Variants in SORBS2 observed in about 807,000 individuals in gnomAD.
SORBS2 encodes sorbin and SH3 domain containing 2.
Under a neutral mutation model 97.7 loss-of-function variants are expected in SORBS2, and 46 were observed. The observed-to-expected ratio is 0.47, with a 90% CI of 0.37 to 0.60. The LOEUF is 0.60. Among genes scored for constraint, SORBS2 ranks in the 20% least tolerant of loss-of-function variants. The probability of loss-of-function intolerance (pLI) is 0.00; values close to 1 mark genes in which losing one functional copy is unlikely to be tolerated. For synonymous variants in SORBS2, 476 were observed against 473.4 expected (o/e 1.01, Z -0.07); for missense variants, 1,316 against 1,282.3 (o/e 1.03, Z -0.40).
At chr4:185,662,036 T>C in intron 5 of SORBS2, 68 bp downstream of exon 8, 1 of 1,573,306 alleles carries the variant, frequency 6.4e-7, no homozygotes. Flanking sequence ...ATGCCGCATA[T>C]CTTTCTCCTG....
intron 1 of SORBS2, among the ~76,000 whole-genome samples, chr4:185,832,066 AT>A (rs2099205449): frequency 6.6e-6 from 1 of 152,212 alleles, no homozygotes; most frequent in Non-Finnish European, 1.5e-5. Context: ...AGCAATTTCA[AT>A]ATATTTGAAA....
intron 1 of SORBS2, among the ~76,000 whole-genome samples, chr4:185,916,697 A>T (rs2099258328): frequency 6.6e-6 from 1 of 152,218 alleles, no homozygotes; most frequent in African/African-American, 2.4e-5. Flanking sequence ...GATTGTCACA[A>T]CTAGGGAGGT....
At chr4:185,796,519 C>T (rs945226264) in intron 1 of SORBS2, among the ~76,000 whole-genome samples, 13 of 139,880 alleles carry the variant, frequency 9.3e-5, no homozygotes, top group South Asian at 2.6e-4. Context: ...GCTGTGGCCA[C>T]GCTGTTCCCT....
chr4:185,870,146 A>C (rs902756382), intron 1 of SORBS2, among the ~76,000 whole-genome samples: 9 of 152,234 alleles, frequency 5.9e-5, no homozygotes, highest in African/African-American at 1.9e-4. Context: ...TGTATGCTCT[A>C]AACTTCTGCT....
At chr4:185,740,888 A>G (rs539122322) in intron 2 of SORBS2, among the ~76,000 whole-genome samples, 16 of 152,192 alleles carry the variant, frequency 1.1e-4, no homozygotes, top group African/African-American at 3.6e-4. Flanking sequence ...AACTCGGACC[A>G]GCACTAACTC....
At chr4:185,782,188 A>G (rs970280448) in intron 1 of SORBS2, among the ~76,000 whole-genome samples, 5 of 152,394 alleles carry the variant, frequency 3.3e-5, no homozygotes, top group East Asian at 1.9e-4. Flanking sequence ...GTATCTGATC[A>G]TGTAAAAAGC....
At chr4:185,739,520 G>T (rs1176134782) in intron 2 of SORBS2, among the ~76,000 whole-genome samples, 1 of 152,284 alleles carries the variant, frequency 6.6e-6, no homozygotes, top group East Asian at 1.9e-4. Context: ...TGATGTTATT[G>T]CTAGTTTGCA....
chr4:185,899,053 G>A (rs2099246316), intron 1 of SORBS2, among the ~76,000 whole-genome samples: 1 of 152,210 alleles, frequency 6.6e-6, no homozygotes, highest in African/African-American at 2.4e-5. Flanking sequence ...AGTGTGCAGA[G>A]GCAATACTAA....
chr4:185,771,759 G>A (rs2098972900), intron 2 of SORBS2: 1 of 152,142 alleles, frequency 6.6e-6, no homozygotes, highest in Admixed American at 6.5e-5. Flanking sequence ...AATCTTTAGT[G>A]AGGCCACACA....
intron 1 of SORBS2, among the ~76,000 whole-genome samples, chr4:185,902,922 C>T (rs2099248498): frequency 6.6e-6 from 1 of 152,182 alleles, no homozygotes; most frequent in Non-Finnish European, 1.5e-5. Context: ...ACGTCATAAT[C>T]GCTGAGTTGG....
chr4:185,930,835 G>T (rs755581145), intron 1 of SORBS2, among the ~76,000 whole-genome samples: 1 of 152,144 alleles, frequency 6.6e-6, no homozygotes, highest in South Asian at 2.1e-4. Flanking sequence ...ATAATGACTT[G>T]TATACGAATT....
chr4:185,639,196 CG>C (rs2153446431), intron 4 of SORBS2, among the ~76,000 whole-genome samples, 161 bp from the exon 14 acceptor site: 1 of 152,292 alleles, frequency 6.6e-6, no homozygotes, highest in Admixed American at 6.5e-5. Flanking sequence ...GGGAGCGATC[CG>C]GGCCGCTGCG....
chr4:185,755,409 C>T (rs1266842332), intron 2 of SORBS2, among the ~76,000 whole-genome samples: 1 of 152,210 alleles, frequency 6.6e-6, no homozygotes, highest in Non-Finnish European at 1.5e-5. Flanking sequence ...CAAAATTATG[C>T]TCCTTTAAAC....
chr4:185,785,798 G>T (rs1213020463), intron 1 of SORBS2, among the ~76,000 whole-genome samples: 1 of 152,242 alleles, frequency 6.6e-6, no homozygotes, highest in Non-Finnish European at 1.5e-5. Context: ...AGAATCAAGA[G>T]TTCTGAGTTA....
At chr4:185,869,009 C>T (rs12505796) in intron 1 of SORBS2, among the ~76,000 whole-genome samples, 12,299 of 152,156 alleles carry the variant, frequency 0.081, 579 homozygotes, top group East Asian at 0.18. Flanking sequence ...AACTTCTGAA[C>T]GCTTGGACTG....
intron 1 of SORBS2, among the ~76,000 whole-genome samples, chr4:185,827,864 TCATCATCATCGTCAC>T (rs1194160735): frequency 5.6e-5 from 8 of 143,202 alleles, no homozygotes; most frequent in African/African-American, 2.1e-4. Flanking sequence ...AGCGTCACCA[TCATCATCATCGTCAC>T]CATCATCAGC....
chr4:185,731,874 A>C (rs1450822649), intron 2 of SORBS2, among the ~76,000 whole-genome samples: 1,014 of 22,946 alleles, frequency 0.044, 4 homozygotes, highest in Non-Finnish European at 0.06. Flanking sequence ...CTCTATATAT[A>C]TATATATATA....
intron 1 of SORBS2, among the ~76,000 whole-genome samples, chr4:185,885,169 G>C (rs187083248): frequency 2.6e-5 from 4 of 152,220 alleles, no homozygotes; most frequent in South Asian, 2.1e-4. Context: ...CTGTTAAGGC[G>C]TAAGCTAGAA....
intron 1 of SORBS2, among the ~76,000 whole-genome samples, chr4:185,857,250 C>T (rs897215544): frequency 5.3e-5 from 8 of 152,112 alleles, no homozygotes; most frequent in Admixed American, 3.3e-4. Context: ...ATTTCTTATG[C>T]CTGTCTTTAC....
Sources: allele counts gnomAD v4.1 joint callset (sites outside exome capture counted in the v4.1 genomes callset), GRCh38; gene constraint gnomAD v4.1.1; transcripts MANE v1.5; gene names NCBI Gene and HGNC (gene_info 2026-07-23, HGNC 2026-07-21).